PSME4: variants seen among roughly 807,000 people sequenced by gnomAD.
PSME4 encodes the protein proteasome activator subunit 4.
A neutral mutation model predicts 253.9 loss-of-function variants in PSME4; 89 were observed. The observed-to-expected ratio is 0.35, with a 90% CI of 0.30 to 0.42. The LOEUF is 0.42. Ranked by LOEUF, PSME4 falls within the 10% of genes least tolerant of loss-of-function variation. The pLI is 1.00. For synonymous variants in PSME4, 851 were observed against 759.2 expected (o/e 1.12, Z -1.99); for missense variants, 2,014 against 2,195.2 (o/e 0.92, Z 1.65).
chr2:53,866,243 C>A lies in PSME4; in HGVS notation c.5398-20G>T, dbSNP rs763629300. The A allele has an allele frequency of 6.2e-7, 1 of 1,612,648 alleles. No individual in the cohort carries two copies. Among genetic ancestry groups the A allele is most frequent in the Admixed American group, 1.7e-5 (1 of 59,834 alleles). ...AGTCATCTGTAAAGTAGACAACCCACATACGTTTTAACCTCTCTGGACAAC... is the reference window on the plus strand; with the variant it reads ...AGTCATCTGTAAAGTAGACAACCCAAATACGTTTTAACCTCTCTGGACAAC... On this transcript the variant is annotated intron_variant, in intron 45 of 46. Transcript: ENST00000404125.
chr2:53,945,049 A>G (rs1177727955), intron 3 of PSME4, among the ~76,000 whole-genome samples: 2 of 152,192 alleles, frequency 1.3e-5, no homozygotes, highest in South Asian at 2.1e-4. Context: ...TGCAAATATG[A>G]AAACCTTTAC....
At chr2:53,968,614 T>C (rs1670864114) in intron 1 of PSME4, among the ~76,000 whole-genome samples, 1 of 152,200 alleles carries the variant, frequency 6.6e-6, no homozygotes, top group African/African-American at 2.4e-5. Flanking sequence ...CATAGTGCAA[T>C]ATCAAGAATC....
intron 20 of PSME4, among the ~76,000 whole-genome samples, chr2:53,911,503 A>T (rs1174104482): frequency 6.6e-6 from 1 of 152,156 alleles, no homozygotes; most frequent in Admixed American, 6.5e-5. Context: ...CATGAACGTT[A>T]TGTCTTTACT....
Position 53,948,528 on chromosome 2 carries a change from T to C in PSME4, c.393A>G (p.Glu131=), listed in dbSNP as rs1186201680. 4.4e-6 allele frequency: 7 copies of C among 1,600,788 alleles called. No homozygotes were observed. In the Admixed American group the frequency reaches 1.2e-4, roughly 27 times the overall value. ...ACTCCAAATCAGCTCTTGAAAGAAG[T>C]TCCTTTTTCCTAAAAAGTAAAATAA... ...RLLINLLKKK[E]LLSRADLELP... The change falls in exon 3 of 47, where the codon GAA becomes GAG. Residue 131 remains glutamate (E), a synonymous_variant. Coordinates refer to ENST00000404125, the MANE Select transcript of PSME4 (RefSeq NM_014614.3).
At position 53,926,017 on chromosome 2, in the gene PSME4, G is replaced by T. The variant is rs1668540971; in HGVS notation, c.1600C>A (p.Arg534=). The T allele has an allele frequency of 6.2e-7, 1 of 1,611,848 alleles. No homozygotes were observed. The highest frequency in any genetic ancestry group is 1.3e-5 in the African/African-American group (1 of 74,824). The change falls in exon 13 of 47, where the codon CGA becomes AGA. Residue 534 remains arginine (R), a synonymous_variant. Transcript: ENST00000404125. The part of the protein sequence containing the change: ...QERNDLTEVE[R]ELCSATAEFE... The stretch of plus-strand genomic sequence containing the variant: ...TCAGCTGTGGCTGAACAAAGTTCTC[G>T]TTCCACCTATAATATCCCAATATGG...
intron 30 of PSME4, 97 bp downstream of exon 30, chr2:53,898,204 C>T (rs569055996): frequency 7.7e-7 from 1 of 1,291,608 alleles, no homozygotes; most frequent in African/African-American, 1.5e-5. Context: ...CGGAATATAA[C>T]TTTTTGTGAC....
At position 53,948,541 on chromosome 2, in the gene PSME4, A is replaced by C. The variant is rs887475228; in HGVS notation, c.384-4T>G. 8 of 1,560,778 alleles carry C rather than the reference A, an allele frequency of 5.1e-6. No individual in the cohort carries two copies. The highest frequency in any genetic ancestry group is 6.2e-6 in the Non-Finnish European group (7 of 1,132,078). ...TCTTGAAAGAAGTTCCTTTTTCCTA[A>C]AAAGTAAAATAAAATAAATACCTAT... is the stretch of plus-strand genomic sequence containing the variant. On this transcript the variant is annotated splice_polypyrimidine_tract_variant and splice_region_variant and intron_variant, in intron 2 of 46. Transcript: ENST00000404125.
Position 53,959,098 on chromosome 2 carries a change from C to T in PSME4, c.243-9815G>A, listed in dbSNP as rs538458296. 6.6e-4 allele frequency among the ~76,000 whole-genome samples: 101 copies of T among 152,300 alleles called. 1 individual carries two copies. Among genetic ancestry groups the T allele is most frequent in the Non-Finnish European group, 1.2e-3 (82 of 68,016 alleles). On this transcript the variant is annotated intron_variant, in intron 1 of 46. Transcript: ENST00000404125. ...TTGGGAAGCCAGGGCAGGTGGACTG[C>T]TTGAGCCCAGGAGTTTGAAGCTAGC...
chr2:53,876,148 G>A lies in PSME4; in HGVS notation c.4816-393C>T, dbSNP rs199590609. 1.3e-4 allele frequency among the ~76,000 whole-genome samples: 20 copies of A among 152,282 alleles called. No individual in the cohort carries two copies. In the East Asian group the frequency reaches 3.9e-3, roughly 29 times the overall value. Reference sequence around the variant, plus strand: ...TGTGGCGGTACTCAGATTTCCCCAAGTACCACATTCATGTGTTATTACAAC... The same window carrying A: ...TGTGGCGGTACTCAGATTTCCCCAAATACCACATTCATGTGTTATTACAAC... On this transcript the variant is annotated intron_variant, in intron 41 of 46. Coordinates refer to ENST00000404125, the MANE Select transcript of PSME4 (RefSeq NM_014614.3).
chr2:53,866,864 A>G lies in PSME4; in HGVS notation c.5280T>C (p.His1760=), dbSNP rs1409090120. The change falls in exon 45 of 47, where the codon CAT becomes CAC. Residue 1760 remains histidine, a synonymous_variant. Coordinates refer to ENST00000404125, the MANE Select transcript of PSME4 (RefSeq NM_014614.3). ...ATGCACCAAGTCCTAGCACCCCAGC[A>G]TGGCGTTTGACCAACTCTGCAAAGA... ...TIPSAELVKR[H]AGVLGLGACV... 1.2e-6 allele frequency: 2 copies of G among 1,614,038 alleles called. No homozygotes were observed. The highest frequency in any genetic ancestry group is 1.7e-5 in the Admixed American group (1 of 59,994).
At chr2:53,870,320 A>G (rs1678808558) in intron 43 of PSME4, 1 of 151,316 alleles carries the variant, frequency 6.6e-6, no homozygotes, top group African/African-American at 2.4e-5. Context: ...AAAATGTTTT[A>G]CTGGTTGCAC....
chr2:53,873,112 C>A (rs1229931353), intron 43 of PSME4, among the ~76,000 whole-genome samples: 1 of 151,600 alleles, frequency 6.6e-6, no homozygotes, highest in Non-Finnish European at 1.5e-5. Context: ...TGGTGGCGGG[C>A]GCCTGTGGTC....
chr2:53,914,713 T>G (rs1458105767), intron 20 of PSME4, among the ~76,000 whole-genome samples: 1 of 151,992 alleles, frequency 6.6e-6, no homozygotes, highest in Non-Finnish European at 1.5e-5. Context: ...AAACCCTGTC[T>G]CTACTAAAAA....
rs114357005 is a variant in PSME4 at position 53,938,846 on chromosome 2, G to C, written c.545+1110C>G. Among the ~76,000 whole-genome samples, 833 of 152,216 alleles carry C rather than the reference G, an allele frequency of 5.5e-3. 7 individuals carry two copies. The highest frequency in any genetic ancestry group is 0.02 in the African/African-American group (815 of 41,522). On this transcript the variant is annotated intron_variant, in intron 4 of 46. Transcript: ENST00000404125. Reference sequence around the variant, plus strand: ...CAAAGCGTTTATGTGTCAGGTCCTTGTGTAACAGGTTGGAATTTTAAAAAA... The same window carrying C: ...CAAAGCGTTTATGTGTCAGGTCCTTCTGTAACAGGTTGGAATTTTAAAAAA...
chr2:53,922,977 A>T (rs1668392560), intron 16 of PSME4, 72 bp downstream of exon 16: 1 of 1,200,690 alleles, frequency 8.3e-7, no homozygotes, highest in Non-Finnish European at 1.1e-6. Context: ...TGTTGTCATT[A>T]ACAGAGTTTT....
chr2:53,866,418 T>C (rs1448877139), intron 45 of PSME4, among the ~76,000 whole-genome samples, 195 bp from the exon 46 acceptor site: 1 of 152,228 alleles, frequency 6.6e-6, no homozygotes, highest in African/African-American at 2.4e-5. Flanking sequence ...CATAATTTCC[T>C]ATTTAATATT....
intron 12 of PSME4, 70 bp from the exon 13 acceptor site, chr2:53,926,093 A>T (rs1668544942): frequency 8.0e-7 from 1 of 1,248,822 alleles, no homozygotes; most frequent in South Asian, 1.2e-5. Flanking sequence ...AACAAAACTC[A>T]ATTATTGCCT....
Position 53,949,255 on chromosome 2 carries a change from T to G in PSME4, c.271A>C (p.Ser91Arg), listed in dbSNP as rs1316901126. Residue 91 changes from serine to arginine, a missense_variant, in exon 2 of 47, where the codon AGC becomes CGC. Ser to Arg is a moderately radical substitution (Grantham distance 110). This residue lies in a region of PSME4 where 615 missense variants were observed against 594.4 expected (regional missense o/e 1.03). Transcript: ENST00000404125. ...ATAAAAAGAACATGATCTTCTTTGC[T>G]AAATTTTCTCCCATAAAGTCGAATA... is the stretch of plus-strand genomic sequence containing the variant. ...TYIRLYGRKF[S>R]KEDHVLFIKL... 6.2e-7 allele frequency: 1 copy of G among 1,604,674 alleles called. No homozygotes were observed. Among genetic ancestry groups the G allele is most frequent in the East Asian group, 2.2e-5 (1 of 44,708 alleles).
intron 43 of PSME4, among the ~76,000 whole-genome samples, chr2:53,872,621 A>G (rs1001997807): frequency 4.6e-5 from 7 of 151,794 alleles, no homozygotes; most frequent in Non-Finnish European, 2.9e-5. Context: ...AAATACCCAT[A>G]GTCCCAGCTA....
Sources: allele counts gnomAD v4.1 joint callset (sites outside exome capture counted in the v4.1 genomes callset), GRCh38; gene constraint gnomAD v4.1.1; regional missense constraint gnomAD v4.1.1; transcripts MANE v1.5; gene names NCBI Gene and HGNC (gene_info 2026-07-23, HGNC 2026-07-21).